Variants in SORCS2 observed in about 807,000 individuals in gnomAD.
The protein encoded by SORCS2 is sortilin related VPS10 domain containing receptor 2.
Under a neutral mutation model 141.6 loss-of-function variants are expected in SORCS2, and 100 were observed. That is an observed-to-expected ratio of 0.71 (90% CI 0.60 to 0.83). The LOEUF is 0.83. Among genes scored for constraint, SORCS2 ranks in the 40% least tolerant of loss-of-function variants. The pLI, the probability that SORCS2 is intolerant of heterozygous loss-of-function variation, is 0.00. For synonymous variants in SORCS2, 789 were observed against 676.9 expected, an observed-to-expected ratio of 1.17 and a Z score of -2.57; for missense variants, 1,646 against 1,560.2, an observed-to-expected ratio of 1.05 and a Z score of -0.93.
chr4:7,661,837 AC>A (rs1347625225), intron 6 of SORCS2, among the ~76,000 whole-genome samples: 1 of 151,948 alleles, frequency 6.6e-6, no homozygotes, highest in Non-Finnish European at 1.5e-5. Flanking sequence ...TCAGCCCACC[AC>A]CCCTGGCATG....
At chr4:7,285,036 A>G (rs749560603) in intron 1 of SORCS2, among the ~76,000 whole-genome samples, 2 of 140,070 alleles carry the variant, frequency 1.4e-5, no homozygotes, top group African/African-American at 5.2e-5. Context: ...ATATATATAT[A>G]TTTTTTTTTT....
intron 1 of SORCS2, among the ~76,000 whole-genome samples, chr4:7,200,065 A>C (rs139857177): frequency 2.8e-3 from 430 of 152,258 alleles, no homozygotes; most frequent in African/African-American, 9.4e-3. Context: ...CGTGCAGGGC[A>C]GCAGCGTGGA....
intron 18 of SORCS2, among the ~76,000 whole-genome samples, chr4:7,720,863 A>G (rs968726085): frequency 6.6e-6 from 1 of 152,236 alleles, no homozygotes; most frequent in Non-Finnish European, 1.5e-5. Flanking sequence ...AGGGAAGGAC[A>G]CTGGATCACT....
chr4:7,581,295 A>G (rs1716125869), intron 3 of SORCS2, among the ~76,000 whole-genome samples: 1 of 152,106 alleles, frequency 6.6e-6, no homozygotes, highest in African/African-American at 2.4e-5. Flanking sequence ...ATGAAAAACA[A>G]CTATGTGTCA....
chr4:7,417,941 G>A (rs1186693285), intron 2 of SORCS2, among the ~76,000 whole-genome samples: 1 of 152,216 alleles, frequency 6.6e-6, no homozygotes, highest in African/African-American at 2.4e-5. Context: ...ATAAGAGTGA[G>A]CCAGCAGAAG....
chr4:7,347,188 C>T (rs1473681267), intron 1 of SORCS2, among the ~76,000 whole-genome samples: 4 of 152,162 alleles, frequency 2.6e-5, no homozygotes, highest in Admixed American at 2.6e-4. Flanking sequence ...TCCTTCAAGC[C>T]TTTGTGTTTG....
chr4:7,424,492 C>T (rs1370172355), intron 2 of SORCS2, among the ~76,000 whole-genome samples: 1 of 152,188 alleles, frequency 6.6e-6, no homozygotes, highest in Non-Finnish European at 1.5e-5. Context: ...CCACACAGTC[C>T]TCTGAATTGG....
intron 3 of SORCS2, among the ~76,000 whole-genome samples, chr4:7,614,023 C>T (rs1304306567): frequency 6.6e-6 from 1 of 151,556 alleles, no homozygotes; most frequent in East Asian, 1.9e-4. Flanking sequence ...CACCCATTCA[C>T]CATCATTCAC....
chr4:7,379,435 G>A (rs781132155), intron 1 of SORCS2, among the ~76,000 whole-genome samples: 6 of 152,216 alleles, frequency 3.9e-5, no homozygotes, highest in Admixed American at 3.3e-4. Context: ...GAGGGCCTTC[G>A]GGAGTGGGGG....
intron 1 of SORCS2, among the ~76,000 whole-genome samples, chr4:7,228,323 G>A (rs990534598): frequency 2.6e-5 from 4 of 152,110 alleles, no homozygotes; most frequent in African/African-American, 9.7e-5. Context: ...GCATCCTGGG[G>A]TGCAGGGTGT....
intron 3 of SORCS2, among the ~76,000 whole-genome samples, chr4:7,552,875 G>A (rs1052189413): frequency 6.6e-6 from 1 of 152,196 alleles, no homozygotes; most frequent in African/African-American, 2.4e-5. Context: ...TGTGGTCTCT[G>A]TAGAAGTATA....
intron 1 of SORCS2, among the ~76,000 whole-genome samples, chr4:7,297,671 G>A (rs182611636): frequency 2.0e-5 from 3 of 152,360 alleles, no homozygotes; most frequent in Admixed American, 1.3e-4. Flanking sequence ...CGTGCTCTAT[G>A]GTTCCCAACC....
At chr4:7,305,944 G>T (rs1717796138) in intron 1 of SORCS2, among the ~76,000 whole-genome samples, 1 of 152,210 alleles carries the variant, frequency 6.6e-6, no homozygotes, top group Non-Finnish European at 1.5e-5. Flanking sequence ...GGGCTATGCT[G>T]CTGAAACACA....
intron 1 of SORCS2, among the ~76,000 whole-genome samples, chr4:7,215,531 TG>T (rs1227258229): frequency 2.0e-5 from 3 of 152,254 alleles, no homozygotes; most frequent in Admixed American, 6.5e-5. Context: ...GGCGCCGGAC[TG>T]GCAGGCAGCT....
intron 3 of SORCS2, among the ~76,000 whole-genome samples, chr4:7,594,206 C>T (rs1232674786): frequency 2.6e-5 from 4 of 152,208 alleles, no homozygotes; most frequent in East Asian, 1.9e-4. Flanking sequence ...GCTCTGGCCT[C>T]GGTGTATTCC....
At chr4:7,297,199 A>G (rs1436724634) in intron 1 of SORCS2, among the ~76,000 whole-genome samples, 3 of 151,996 alleles carry the variant, frequency 2.0e-5, no homozygotes, top group Non-Finnish European at 4.4e-5. Flanking sequence ...CCCTTCCTGG[A>G]GGCCAGAGGC....
chr4:7,252,420 C>T (rs1713568911), intron 1 of SORCS2, among the ~76,000 whole-genome samples: 1 of 152,356 alleles, frequency 6.6e-6, no homozygotes, highest in Admixed American at 6.5e-5. Context: ...ACTCTGGGGG[C>T]TGGCCAGGAG....
intron 2 of SORCS2, among the ~76,000 whole-genome samples, chr4:7,504,449 G>A (rs937540484): frequency 2.2e-4 from 33 of 152,186 alleles, no homozygotes; most frequent in Non-Finnish European, 1.2e-4. Context: ...CGGATGCAGA[G>A]CAATTCATTT....
At chr4:7,354,501 G>A (rs893374015) in intron 1 of SORCS2, among the ~76,000 whole-genome samples, 1 of 152,162 alleles carries the variant, frequency 6.6e-6, no homozygotes, top group Non-Finnish European at 1.5e-5. Flanking sequence ...AGATTGGGGC[G>A]AGTCCCAGCC....
Sources: gnomAD v4.1 joint callset for allele counts (sites outside exome capture counted in the v4.1 genomes callset) on GRCh38, gnomAD v4.1.1 for gene constraint, MANE v1.5 for transcripts, NCBI Gene and HGNC (gene_info 2026-07-23, HGNC 2026-07-21) for gene names.